GRB10: variants seen among roughly 807,000 people sequenced by gnomAD.
The protein encoded by GRB10 is growth factor receptor-bound protein 10.
GRB10 carries 20 observed loss-of-function variants against 80.9 expected under a neutral mutation model. The ratio of observed to expected loss-of-function variants is 0.25; its 90% CI spans 0.17 to 0.36. GRB10 has a LOEUF of 0.36. Among genes scored for constraint, GRB10 ranks in the 10% least tolerant of loss-of-function variants. The pLI, the probability that GRB10 is intolerant of heterozygous loss-of-function variation, is 1.00. For synonymous variants in GRB10, 291 were observed against 291.5 expected (o/e 1.00, Z 0.02); for missense variants, 548 against 747.7 (o/e 0.73, Z 3.12).
intron 17 of GRB10, among the ~76,000 whole-genome samples, chr7:50,601,480 A>G (rs1198216608): frequency 1.3e-5 from 2 of 152,374 alleles, no homozygotes; most frequent in African/African-American, 4.8e-5. Context: ...ACTTTGGGCA[A>G]GGTATTTTAA....
chr7:50,767,742 G>C (rs1280548521), intron 2 of GRB10, among the ~76,000 whole-genome samples: 10 of 152,148 alleles, frequency 6.6e-5, no homozygotes, highest in Non-Finnish European at 1.5e-4. Context: ...ATCAGACCCA[G>C]CAGTGAGCCA....
chr7:50,791,418 G>GT (rs963631614), intron 1 of GRB10, among the ~76,000 whole-genome samples: 1 of 152,174 alleles, frequency 6.6e-6, no homozygotes, highest in African/African-American at 2.4e-5. Flanking sequence ...CCTTTCAGAA[G>GT]TGGATGTACT....
At chr7:50,678,678 T>A (rs914532338) in intron 5 of GRB10, among the ~76,000 whole-genome samples, 7 of 152,194 alleles carry the variant, frequency 4.6e-5, no homozygotes, top group African/African-American at 1.7e-4. Context: ...ATTTTTTTTT[T>A]AATTACTACA....
intron 2 of GRB10, among the ~76,000 whole-genome samples, chr7:50,765,204 T>C (rs1467540226): frequency 6.6e-6 from 1 of 152,230 alleles, no homozygotes. Flanking sequence ...GGGGACCCCC[T>C]ATACTCTGCC....
At chr7:50,673,458 G>A (rs73116890) in intron 6 of GRB10, among the ~76,000 whole-genome samples, 11,334 of 152,040 alleles carry the variant, frequency 0.075, 693 homozygotes, top group South Asian at 0.12. Flanking sequence ...CCTCCTCCCA[G>A]GCACTCGAGA....
In GRB10 at chr7:50,604,051, C is replaced by A; in HGVS notation, c.1491G>T (p.Arg497Ser). The A allele has an allele frequency of 6.2e-7, 1 of 1,614,152 alleles. No homozygotes were observed. The highest frequency in any genetic ancestry group is 8.5e-7 in the Non-Finnish European group (1 of 1,179,990). ...TCCTGTGGGATTCCTCCCTGGAGATCCTCCCGTGAAACCAGTGCTGTGTCC... is the reference window on the plus strand; with the variant it reads ...TCCTGTGGGATTCCTCCCTGGAGATACTCCCGTGAAACCAGTGCTGTGTCC... ...IHRTQHWFHGRISREESHRII... is the reference protein window; with the variant it reads ...IHRTQHWFHGSISREESHRII... The change falls in exon 17 of 19, where the codon AGG (arginine) becomes AGT (serine). Residue 497 changes from arginine (R) to serine (S), a missense_variant. Coordinates refer to ENST00000401949, the MANE Select transcript of GRB10 (RefSeq NM_001350814.2).
At chr7:50,644,765 G>C (rs1182506316) in intron 7 of GRB10, among the ~76,000 whole-genome samples, 1 of 152,206 alleles carries the variant, frequency 6.6e-6, no homozygotes, top group African/African-American at 2.4e-5. Context: ...ACCACCCACT[G>C]GCCAGTGGAG....
At chr7:50,673,199 C>T (rs2060539096) in intron 6 of GRB10, among the ~76,000 whole-genome samples, 1 of 152,156 alleles carries the variant, frequency 6.6e-6, no homozygotes, top group Non-Finnish European at 1.5e-5. Flanking sequence ...GGCACCAGAA[C>T]CCCATCCTGA....
intron 7 of GRB10, among the ~76,000 whole-genome samples, chr7:50,662,145 G>A (rs1395383312): frequency 1.3e-5 from 2 of 152,216 alleles, no homozygotes; most frequent in African/African-American, 4.8e-5. Context: ...ATGCCCAGGT[G>A]CCTTGACCTT....
At chr7:50,713,314 C>G (rs997970354) in intron 4 of GRB10, among the ~76,000 whole-genome samples, 1 of 151,964 alleles carries the variant, frequency 6.6e-6, no homozygotes, top group Non-Finnish European at 1.5e-5. Context: ...ACATTTCCAC[C>G]AGCACTCCAC....
intron 5 of GRB10, among the ~76,000 whole-genome samples, chr7:50,685,639 C>G (rs1311688771): frequency 1.3e-5 from 2 of 152,078 alleles, no homozygotes; most frequent in Non-Finnish European, 2.9e-5. Context: ...ATCCCAGAGG[C>G]CAGAAATTCT....
At chr7:50,701,359 G>A (rs1286506774) in intron 5 of GRB10, among the ~76,000 whole-genome samples, 5 of 152,100 alleles carry the variant, frequency 3.3e-5, no homozygotes, top group Non-Finnish European at 7.4e-5. Flanking sequence ...CACTTCCAGT[G>A]GTCGACATGG....
At chr7:50,745,287 CTGATA>C (rs2072700435) in intron 3 of GRB10, among the ~76,000 whole-genome samples, 1 of 152,276 alleles carries the variant, frequency 6.6e-6, no homozygotes. Flanking sequence ...TTATTGTTCT[CTGATA>C]TATTAATATT....
rs189158230 is a variant in GRB10, at chr7:50,782,349, C to T, written c.-327+75G>A. 0.056 allele frequency: 8,386 copies of T among 148,460 alleles called. 588 individuals are homozygous for T. The highest frequency in any genetic ancestry group is 0.17 in the Admixed American group (2,602 of 14,940). The allele number at this position is 148,460 out of a possible 1,614,324, so 9.2% of individuals were successfully genotyped here. ...GCCTCTGCAGCCTGCGCAGGCCGAT[C>T]CGCCCGCCGCCCCGGCTCGCGCCCA... On this transcript the variant is annotated intron_variant, in intron 1 of 18. Transcript: ENST00000401949. The surrounding 1 kb of genome is among the most constrained non-coding windows in gnomAD (Gnocchi z 6.6).
At chr7:50,775,745 G>A (rs1022977307) in intron 2 of GRB10, among the ~76,000 whole-genome samples, 6 of 152,230 alleles carry the variant, frequency 3.9e-5, no homozygotes, top group African/African-American at 1.4e-4. Context: ...GGTGAAGGTA[G>A]CCATGCATCC....
Position 50,674,436 on chromosome 7 carries a change from C to T in GRB10, c.362G>A (p.Arg121Lys). The stretch of plus-strand genomic sequence containing the variant: ...CTCTGCCCATAAGGCCTGGACCTAC[C>T]TGACAGCGAGGATGTGCACAGGCTG... The part of the protein sequence containing the change: ...RSQPVHILAV[R>K]RLQEEDQQFR... Residue 121 changes from arginine to lysine, a missense_variant and splice_region_variant, in exon 6 of 19, where the codon AGG (arginine) becomes AAG (lysine). Around this residue, in one of 4 missense-constraint regions of GRB10, gnomAD observed 245 missense variants for 229.3 expected, o/e 1.07. Transcript: ENST00000401949. The T allele has an allele frequency of 6.2e-7, 1 of 1,603,600 alleles. No individual in the cohort carries two copies. Among genetic ancestry groups the T allele is most frequent in the Non-Finnish European group, 8.5e-7 (1 of 1,179,928 alleles).
At chr7:50,770,090 T>C (rs924286984) in intron 2 of GRB10, among the ~76,000 whole-genome samples, 1 of 152,182 alleles carries the variant, frequency 6.6e-6, no homozygotes, top group Non-Finnish European at 1.5e-5. Flanking sequence ...GTGCCAAGCT[T>C]CCCAAGAGTC....
At chr7:50,742,271 GCACACACACACACACACACACA>G (rs55813195) in intron 3 of GRB10, among the ~76,000 whole-genome samples, 59 of 46,910 alleles carry the variant, frequency 1.3e-3, no homozygotes, top group African/African-American at 3.3e-3. Flanking sequence ...ACGCGCGCGC[GCACACACACACACACACACACA>G]CACACACACA....
chr7:50,711,879 G>A (rs536053896), intron 4 of GRB10, among the ~76,000 whole-genome samples: 4 of 152,268 alleles, frequency 2.6e-5, no homozygotes, highest in African/African-American at 9.6e-5. Context: ...CTTAAATCCT[G>A]TCTCTAATGG....
Sources: gnomAD v4.1 joint callset for allele counts (sites outside exome capture counted in the v4.1 genomes callset) on GRCh38, gnomAD v4.1.1 for gene constraint, gnomAD v4.1.1 regional missense constraint, Gnocchi (gnomAD v3.1) non-coding constraint, MANE v1.5 for transcripts, NCBI Gene and HGNC (gene_info 2026-07-23, HGNC 2026-07-21) for gene names.